RMND5A: variants seen among roughly 807,000 people sequenced by gnomAD.
RMND5A encodes the protein required for meiotic nuclear division 5 homolog A.
RMND5A carries 17 observed loss-of-function variants against 49.7 expected under a neutral mutation model. The ratio of observed to expected loss-of-function variants is 0.34; its 90% CI spans 0.23 to 0.51. RMND5A has a LOEUF of 0.51. Among genes scored for constraint, RMND5A ranks in the 20% least tolerant of loss-of-function variants. The pLI, the probability that RMND5A is intolerant of heterozygous loss-of-function variation, is 0.96. For synonymous variants in RMND5A, 156 were observed against 167.7 expected (o/e 0.93, Z 0.54); for missense variants, 255 against 471.3 (o/e 0.54, Z 4.25).
At chr2:86,758,296 A>G (rs530378725) in intron 4 of RMND5A, among the ~76,000 whole-genome samples, 74 of 152,270 alleles carry the variant, frequency 4.9e-4, no homozygotes, top group African/African-American at 1.7e-3. Context: ...GTTGCATACT[A>G]TACACAGTGT....
At chr2:86,743,457 TTGTTTTTGTTTC>T (rs747647006) in intron 2 of RMND5A, among the ~76,000 whole-genome samples, 9 of 147,630 alleles carry the variant, frequency 6.1e-5, no homozygotes, top group Admixed American at 2.0e-4. Flanking sequence ...TTTTTGGTTT[TTGTTTTTGTTTC>T]TGTTTTTGTT....
chr2:86,759,827 G>T (rs994738568), intron 4 of RMND5A, among the ~76,000 whole-genome samples: 1 of 152,030 alleles, frequency 6.6e-6, no homozygotes, highest in Non-Finnish European at 1.5e-5. Context: ...GAGGAAGGAA[G>T]GGGGAGGGGC....
chr2:86,765,835 C>G (rs1159379064), intron 5 of RMND5A, 24 bp from the exon 6 acceptor site: 1 of 1,608,072 alleles, frequency 6.2e-7, no homozygotes, highest in African/African-American at 1.3e-5. Context: ...CAAACTAATG[C>G]TTTCTTGCTG....
intron 1 of RMND5A, chr2:86,721,137 C>G: frequency 3.8e-6 from 1 of 262,606 alleles, no homozygotes; most frequent in South Asian, 4.9e-5. Context: ...GCCCCTCGTC[C>G]CCCGCTCCCA....
At chr2:86,722,599 T>TG (rs1225695434) in intron 1 of RMND5A, among the ~76,000 whole-genome samples, 2 of 142,964 alleles carry the variant, frequency 1.4e-5, no homozygotes, top group African/African-American at 5.2e-5. Context: ...AACCGAGGTG[T>TG]GGGAAATCCA....
At chr2:86,760,965 AGTGTGTGTGTGTGT>A (rs35942120) in intron 4 of RMND5A, among the ~76,000 whole-genome samples, 51 of 145,440 alleles carry the variant, frequency 3.5e-4, no homozygotes, top group South Asian at 1.4e-3. Flanking sequence ...GAGAGAGAGA[AGTGTGTGTGTGTGT>A]GTGTGTGTGT....
chr2:86,764,615 A>G (rs1672559871), intron 4 of RMND5A, among the ~76,000 whole-genome samples: 1 of 152,212 alleles, frequency 6.6e-6, no homozygotes, highest in Admixed American at 6.5e-5. Flanking sequence ...CAACTATTGA[A>G]AGTTTAAAAG....
chr2:86,755,907 A>G (rs1171322058), intron 4 of RMND5A, among the ~76,000 whole-genome samples: 1 of 152,190 alleles, frequency 6.6e-6, no homozygotes, highest in Non-Finnish European at 1.5e-5. Context: ...TTGTATGCCT[A>G]GCATCGTTCT....
At chr2:86,771,825 A>C (rs1437142328) in intron 8 of RMND5A, 113 bp downstream of exon 8, 6 of 881,844 alleles carry the variant, frequency 6.8e-6, no homozygotes, top group African/African-American at 1.7e-5. Flanking sequence ...GAACTAAATA[A>C]ATTTCTTAAC....
chr2:86,729,033 C>T (rs1484636381), intron 1 of RMND5A, among the ~76,000 whole-genome samples: 3 of 152,068 alleles, frequency 2.0e-5, no homozygotes, highest in Admixed American at 6.5e-5. Context: ...GGATTATAGG[C>T]GTGAGCCACC....
chr2:86,771,271 C>G (rs1164206311), intron 7 of RMND5A: 1 of 288,778 alleles, frequency 3.5e-6, no homozygotes, highest in Non-Finnish European at 6.5e-6. Flanking sequence ...CTGAATTCAC[C>G]TAAAGACTGT....
At chr2:86,760,897 G>A (rs1034085742) in intron 4 of RMND5A, among the ~76,000 whole-genome samples, 15 of 151,938 alleles carry the variant, frequency 9.9e-5, no homozygotes, top group Admixed American at 2.0e-4. Flanking sequence ...CACTTATATT[G>A]CACTAGAATA....
chr2:86,760,305 A>G (rs564777725), intron 4 of RMND5A, among the ~76,000 whole-genome samples: 13 of 152,290 alleles, frequency 8.5e-5, no homozygotes, highest in African/African-American at 3.1e-4. Context: ...CGGCCTCCCA[A>G]AGTGCTGGGA....
intron 4 of RMND5A, 85 bp from the exon 5 acceptor site, chr2:86,764,942 T>G: frequency 7.4e-7 from 1 of 1,356,274 alleles, no homozygotes; most frequent in Non-Finnish European, 1.0e-6. Flanking sequence ...CCAAGCCCCT[T>G]TTTTGTTTTA....
intron 4 of RMND5A, among the ~76,000 whole-genome samples, chr2:86,759,915 G>A (rs754325096): frequency 6.6e-6 from 1 of 152,016 alleles, no homozygotes; most frequent in Non-Finnish European, 1.5e-5. Flanking sequence ...TATGAGAATG[G>A]GCCACAGACA....
rs146821931 is a variant in RMND5A at position 86,773,428 on chromosome 2, T to G, written c.*17T>G. 4.0e-4 allele frequency: 616 copies of G among 1,559,468 alleles called. 2 individuals carry two copies. The highest frequency in any genetic ancestry group is 3.2e-3 in the East Asian group (143 of 44,558). ...TTTTTCTGAAGAGATAACTTTAGTT[T>G]GCAATTTGTAAGTGAAACTGAATCG... On this transcript the variant is annotated 3_prime_UTR_variant, in exon 9 of 9. Coordinates refer to ENST00000283632, the MANE Select transcript of RMND5A (RefSeq NM_022780.4).
At chr2:86,769,734 G>T (rs1672658465) in intron 6 of RMND5A, among the ~76,000 whole-genome samples, 1 of 151,866 alleles carries the variant, frequency 6.6e-6, no homozygotes, top group Non-Finnish European at 1.5e-5. Context: ...TATTGGTGAG[G>T]TTTATTTAGA....
rs146868518 is a variant in RMND5A at position 86,765,123 on chromosome 2, A to G, written c.618A>G (p.Gly206=). ...ATTTTATTAGCTTGTTAATGGGTGG[A>G]ACCACAAATCAGCGAGAGGCATTAC... ...RLYFISLLMG[G]TTNQREALQY... Residue 206 remains glycine (G), a synonymous_variant, in exon 5 of 9, where the codon GGA becomes GGG. Coordinates refer to ENST00000283632, the MANE Select transcript of RMND5A (RefSeq NM_022780.4). 1.5e-4 allele frequency: 241 copies of G among 1,614,042 alleles called. No homozygotes were observed. Among genetic ancestry groups the G allele is most frequent in the Non-Finnish European group, 1.9e-4 (228 of 1,180,022 alleles).
chr2:86,768,613 C>A (rs1334286440), intron 6 of RMND5A, among the ~76,000 whole-genome samples: 5 of 152,152 alleles, frequency 3.3e-5, no homozygotes, highest in Non-Finnish European at 7.4e-5. Context: ...GCTGTGGGCC[C>A]GTGGAGTTGT....
Sources: allele counts gnomAD v4.1 joint callset (sites outside exome capture counted in the v4.1 genomes callset), GRCh38; gene constraint gnomAD v4.1.1; transcripts MANE v1.5; gene names NCBI Gene and HGNC (gene_info 2026-07-23, HGNC 2026-07-21).